NRG1: variants seen among roughly 807,000 people sequenced by gnomAD.
The protein encoded by NRG1 is pro-neuregulin-1, membrane-bound isoform.
NRG1 carries 18 observed loss-of-function variants against 63.8 expected under a neutral mutation model. That is an observed-to-expected ratio of 0.28 (90% CI 0.19 to 0.42). The LOEUF (loss-of-function observed/expected upper bound fraction) is 0.42, where lower values mean the gene tolerates loss of function less well. Ranked by LOEUF, NRG1 falls within the 10% of genes least tolerant of loss-of-function variation. The probability of loss-of-function intolerance (pLI) is 1.00; values close to 1 mark genes in which losing one functional copy is unlikely to be tolerated. For synonymous variants in NRG1, 302 were observed against 301.3 expected (o/e 1.00, Z -0.02); for missense variants, 762 against 814.7 (o/e 0.94, Z 0.79).
At chr8:32,326,709 G>A (rs1260268595) in intron 1 of NRG1, among the ~76,000 whole-genome samples, 3 of 152,060 alleles carry the variant, frequency 2.0e-5, no homozygotes, top group African/African-American at 7.2e-5. Flanking sequence ...ATAGTAAAGA[G>A]AAACCAGTGA....
At chr8:32,178,719 T>C (rs1431784283) in intron 1 of NRG1, among the ~76,000 whole-genome samples, 1 of 152,098 alleles carries the variant, frequency 6.6e-6, no homozygotes, top group Non-Finnish European at 1.5e-5. Flanking sequence ...TTAGGCAAAT[T>C]CTATGTGGTG....
At chr8:32,481,589 A>G (rs1825291327) in intron 1 of NRG1, among the ~76,000 whole-genome samples, 1 of 152,260 alleles carries the variant, frequency 6.6e-6, no homozygotes, top group Admixed American at 6.5e-5. Context: ...GTCAAACTGC[A>G]TGAGTTCAAA....
chr8:32,405,603 C>G (rs1277088782), intron 1 of NRG1, among the ~76,000 whole-genome samples: 2 of 152,152 alleles, frequency 1.3e-5, no homozygotes, highest in Non-Finnish European at 2.9e-5. Flanking sequence ...CACACTTGTA[C>G]AGTCATGTAG....
chr8:31,816,484 C>T (rs1563437380), intron 1 of NRG1, among the ~76,000 whole-genome samples: 1 of 152,176 alleles, frequency 6.6e-6, no homozygotes, highest in Non-Finnish European at 1.5e-5. Context: ...CATTTAGAAA[C>T]ACTTACAAGC....
chr8:31,694,241 C>T (rs1809823197), intron 1 of NRG1, among the ~76,000 whole-genome samples: 1 of 152,182 alleles, frequency 6.6e-6, no homozygotes, highest in Non-Finnish European at 1.5e-5. Context: ...TGCTCTCTCT[C>T]TTGAAGTCTC....
Position 31,680,490 on chromosome 8 carries a change from A to G in NRG1, c.37+41059A>G, listed in dbSNP as rs1456033923. On this transcript the variant is annotated intron_variant, in intron 1 of 10. Coordinates refer to the NRG1 transcript ENST00000519301. ...ATGAACTCATCATTTTTATGGCTGC[A>G]TAGTATTCCATGGTGTATATGTGCC... Among the ~76,000 whole-genome samples, 36 of 151,872 alleles carry G rather than the reference A, an allele frequency of 2.4e-4. No homozygotes were observed. In the South Asian group the frequency reaches 7.5e-3, roughly 32 times the overall value.
chr8:32,582,139 C>G (rs548344082), intron 1 of NRG1, among the ~76,000 whole-genome samples: 3 of 106,678 alleles, frequency 2.8e-5, no homozygotes, highest in Non-Finnish European at 6.4e-5. Context: ...GCTCTGTCAC[C>G]CAGACTGGAG....
At chr8:31,740,229 T>TA (rs1212276020) in intron 1 of NRG1, among the ~76,000 whole-genome samples, 4 of 152,012 alleles carry the variant, frequency 2.6e-5, no homozygotes, top group Non-Finnish European at 5.9e-5. Flanking sequence ...GACTGAAGAG[T>TA]AAAGTCAAGA....
At chr8:31,840,717 C>T (rs951938815) in intron 1 of NRG1, among the ~76,000 whole-genome samples, 7 of 152,066 alleles carry the variant, frequency 4.6e-5, no homozygotes, top group East Asian at 1.9e-4. Context: ...CTCTGTGTGA[C>T]GGAGGTTACA....
At position 32,601,356 on chromosome 8, in the gene NRG1, C is replaced by T. The variant is rs561123827; in HGVS notation, c.279-4206C>T. On this transcript the variant is annotated intron_variant, in intron 2 of 11. Transcript: ENST00000356819. The stretch of plus-strand genomic sequence containing the variant: ...TGATCTAATTTAATCTTTCTCTGCA[C>T]AGAGATATTCTTGTAGGAATGTGCT... Among the ~76,000 whole-genome samples the T allele has an allele frequency of 5.1e-4, 77 of 152,256 alleles. 1 individual carries two copies. The highest frequency in any genetic ancestry group is 1.8e-3 in the African/African-American group (74 of 41,558).
intron 5 of NRG1, among the ~76,000 whole-genome samples, chr8:32,681,600 T>C (rs901276814): frequency 7.2e-5 from 11 of 152,154 alleles, no homozygotes; most frequent in African/African-American, 2.4e-4. Flanking sequence ...CAGTGATGAA[T>C]TAATAATTAA....
At chr8:32,520,494 A>G (rs866878678) in intron 1 of NRG1, among the ~76,000 whole-genome samples, 3 of 152,124 alleles carry the variant, frequency 2.0e-5, no homozygotes, top group African/African-American at 7.2e-5. Context: ...TGGGGATAAG[A>G]GTACTGATAT....
chr8:31,677,862 A>C (rs1395933172), intron 1 of NRG1, among the ~76,000 whole-genome samples: 1 of 152,090 alleles, frequency 6.6e-6, no homozygotes, highest in Non-Finnish European at 1.5e-5. Context: ...TGAATTTAGC[A>C]TATTTAGACT....
chr8:32,152,654 G>T (rs1196725459), intron 1 of NRG1, among the ~76,000 whole-genome samples: 1 of 152,096 alleles, frequency 6.6e-6, no homozygotes, highest in Non-Finnish European at 1.5e-5. Flanking sequence ...TTCACAAGTT[G>T]ATTTTAAGTG....
chr8:32,145,135 T>A (rs943811875), intron 1 of NRG1, among the ~76,000 whole-genome samples: 2 of 152,192 alleles, frequency 1.3e-5, no homozygotes, highest in African/African-American at 4.8e-5. Flanking sequence ...TATAACCACA[T>A]TCAACCACAG....
chr8:31,856,225 T>G (rs1410945911), intron 1 of NRG1, among the ~76,000 whole-genome samples: 3 of 152,222 alleles, frequency 2.0e-5, no homozygotes, highest in African/African-American at 7.2e-5. Context: ...CTTGGTTCCA[T>G]TCTCCCCGTC....
chr8:32,005,886 C>T (rs557583463), intron 1 of NRG1, among the ~76,000 whole-genome samples: 3 of 151,934 alleles, frequency 2.0e-5, no homozygotes, highest in African/African-American at 7.3e-5. Flanking sequence ...TAATGGAAGC[C>T]TAAAAAAGAA....
chr8:32,614,076 T>C (rs144591839), intron 3 of NRG1, among the ~76,000 whole-genome samples: 1 of 152,242 alleles, frequency 6.6e-6, no homozygotes, highest in East Asian at 1.9e-4. Flanking sequence ...TCACCAATCC[T>C]AATTAGAAAC....
At chr8:32,001,237 G>T (rs899510072) in intron 1 of NRG1, among the ~76,000 whole-genome samples, 4 of 151,962 alleles carry the variant, frequency 2.6e-5, no homozygotes, top group African/African-American at 9.7e-5. Context: ...ATCATGGGAG[G>T]GACCCAGTGG....
Sources: gnomAD v4.1 joint callset for allele counts (sites outside exome capture counted in the v4.1 genomes callset) on GRCh38, gnomAD v4.1.1 for gene constraint, MANE v1.5 for transcripts, NCBI Gene and HGNC (gene_info 2026-07-23, HGNC 2026-07-21) for gene names.